Variants in KSR1 observed in about 807,000 individuals in gnomAD.
The protein encoded by KSR1 is kinase suppressor of ras 1.
Under a neutral mutation model 92.9 loss-of-function variants are expected in KSR1, and 35 were observed. The ratio of observed to expected loss-of-function variants is 0.38; its 90% CI spans 0.29 to 0.50. KSR1 has a LOEUF of 0.50. KSR1 is among the 20% of genes least tolerant of loss of function. The pLI, the probability that KSR1 is intolerant of heterozygous loss-of-function variation, is 0.94. For missense variants in KSR1, 972 were observed against 1,158.5 expected, an observed-to-expected ratio of 0.84 and a Z score of 2.34; for synonymous variants, 467 against 472.6, an observed-to-expected ratio of 0.99 and a Z score of 0.15.
rs886846137 is a variant in KSR1, at chr17:27,624,597, C to T, written c.*1205C>T. The T allele has an allele frequency of 2.6e-5, 4 of 152,198 alleles. No homozygotes were observed. The highest frequency in any genetic ancestry group is 4.4e-5 in the Non-Finnish European group (3 of 68,050). The allele number at this position is 152,198 out of a possible 1,614,324, so 9.4% of individuals were successfully genotyped here. A position where few individuals can be genotyped will look rare whatever the true frequency, so the allele number is the denominator to read the frequency against. On this transcript the variant is annotated 3_prime_UTR_variant, in exon 21 of 21. Transcript: ENST00000644974. The stretch of plus-strand genomic sequence containing the variant: ...AAAAGTCTTTGAAGTGAGAGCACCA[C>T]GCTTGTCTTCGTTAGAAACTCTTAA...
chr17:27,480,633 A>G (rs1355690963), intron 1 of KSR1, among the ~76,000 whole-genome samples: 3 of 152,204 alleles, frequency 2.0e-5, no homozygotes, highest in Non-Finnish European at 4.4e-5. Context: ...TCCTGACCTC[A>G]GGCGATCCAC....
chr17:27,478,345 G>A (rs934862699), intron 1 of KSR1, among the ~76,000 whole-genome samples: 8 of 152,176 alleles, frequency 5.3e-5, no homozygotes, highest in African/African-American at 1.9e-4. Flanking sequence ...CCTTGGTCAA[G>A]TTATTTTGCT....
rs1890660643 is a variant in KSR1 at position 27,623,152 on chromosome 17, A to C, written c.2709-162A>C. Reference sequence around the variant, plus strand: ...GGAGTGTAGCTGAGGCCTTGGACGCAGTATGACCAGGGGCAGCTCTGCCAG... The same window carrying C: ...GGAGTGTAGCTGAGGCCTTGGACGCCGTATGACCAGGGGCAGCTCTGCCAG... On this transcript the variant is annotated intron_variant, in intron 20 of 20. Transcript: ENST00000644974. 3 of 656,960 alleles carry C rather than the reference A, an allele frequency of 4.6e-6. No individual in the cohort carries two copies. The South Asian group carries it at 5.2e-5, about 11-fold the overall frequency. 40.7% of individuals were successfully genotyped at this position (656,960 alleles called of 1,614,324 possible).
At chr17:27,560,222 T>C (rs1001639177) in intron 2 of KSR1, 1 of 347,392 alleles carries the variant, frequency 2.9e-6, no homozygotes, top group Non-Finnish European at 5.6e-6. Context: ...AGCTTCATAT[T>C]CTGGCAGCAG....
At chr17:27,598,782 C>G (rs61318264) in intron 10 of KSR1, among the ~76,000 whole-genome samples, 2 of 152,200 alleles carry the variant, frequency 1.3e-5, no homozygotes, top group African/African-American at 4.8e-5. Context: ...GGGCCTTCAT[C>G]GTCCCCTGCA....
intron 1 of KSR1, among the ~76,000 whole-genome samples, chr17:27,460,071 G>A (rs1230020134): frequency 1.3e-5 from 2 of 152,176 alleles, no homozygotes; most frequent in African/African-American, 4.8e-5. Flanking sequence ...GTAAACAGAA[G>A]TTGTGAGGCT....
chr17:27,609,723 C>T, intron 16 of KSR1: 1 of 335,412 alleles, frequency 3.0e-6, no homozygotes, highest in Non-Finnish European at 5.5e-6. Flanking sequence ...GGCTGCAAGG[C>T]CAGCCCCAGC....
intron 1 of KSR1, among the ~76,000 whole-genome samples, chr17:27,515,153 C>G (rs866050054): frequency 6.6e-6 from 1 of 152,136 alleles, no homozygotes; most frequent in Admixed American, 6.5e-5. Flanking sequence ...TCATAGAAAG[C>G]GAATTTATAT....
In KSR1 at chr17:27,592,588, C is replaced by T. The variant is rs776016327; in HGVS notation, c.1261C>T (p.Pro421Ser). 6 of 1,613,954 alleles carry T rather than the reference C, an allele frequency of 3.7e-6. No individual in the cohort carries two copies. The highest frequency in any genetic ancestry group is 3.3e-5 in the Admixed American group (2 of 60,012). The change falls in exon 9 of 21, where the codon CCC becomes TCC. Residue 421 changes from proline (P) to serine (S), a missense_variant. Pro to Ser is a moderately conservative substitution (Grantham distance 74, BLOSUM62 -1). Around this residue, in one of 5 missense-constraint regions of KSR1, gnomAD observed 611 missense variants for 668.0 expected, o/e 0.91. Coordinates refer to ENST00000644974, the MANE Select transcript of KSR1 (RefSeq NM_001394583.1). ...CAACCCGGTGGACAGAGCAGCCGAACCCCATTTTGGAACCCTCCCCAAAGC... is the reference window on the plus strand; with the variant it reads ...CAACCCGGTGGACAGAGCAGCCGAATCCCATTTTGGAACCCTCCCCAAAGC... ...INNPVDRAAE[P>S]HFGTLPKALT... is the part of the protein sequence containing the mutation.
intron 1 of KSR1, among the ~76,000 whole-genome samples, chr17:27,487,800 T>A (rs899162401): frequency 6.6e-6 from 1 of 152,060 alleles, no homozygotes; most frequent in Admixed American, 6.6e-5. Context: ...AGGTGTGTCA[T>A]GTGTCTAGAC....
chr17:27,537,237 T>C (rs982918007), intron 1 of KSR1, among the ~76,000 whole-genome samples: 1 of 152,220 alleles, frequency 6.6e-6, no homozygotes, highest in Non-Finnish European at 1.5e-5. Context: ...AAGGATTCCA[T>C]ATCTCCAGCT....
chr17:27,611,420 A>G, intron 17 of KSR1, 74 bp from the exon 18 acceptor site: 2 of 1,593,870 alleles, frequency 1.3e-6, no homozygotes, highest in Non-Finnish European at 1.7e-6. Context: ...TGGCTGGGCT[A>G]TGGCTCAAGG....
At chr17:27,519,872 C>T (rs182355099) in intron 1 of KSR1, among the ~76,000 whole-genome samples, 2 of 152,306 alleles carry the variant, frequency 1.3e-5, no homozygotes, top group East Asian at 3.9e-4. Context: ...TTGGGAGGAG[C>T]TCTTCATCCA....
intron 10 of KSR1, among the ~76,000 whole-genome samples, chr17:27,598,996 C>T (rs912742433): frequency 7.2e-5 from 11 of 152,238 alleles, no homozygotes; most frequent in African/African-American, 1.9e-4. Flanking sequence ...ATTATAGTCA[C>T]GTGCTGCTTC....
chr17:27,593,852 G>A (rs1244394118), intron 9 of KSR1, among the ~76,000 whole-genome samples: 3 of 152,312 alleles, frequency 2.0e-5, no homozygotes, highest in African/African-American at 4.8e-5. Flanking sequence ...CAGTAGGCTC[G>A]ATGTCTTGGG....
chr17:27,522,358 C>T (rs2070074422), intron 1 of KSR1, among the ~76,000 whole-genome samples: 1 of 152,240 alleles, frequency 6.6e-6, no homozygotes, highest in African/African-American at 2.4e-5. Flanking sequence ...TTGGCCCCCG[C>T]TCCCCGTGGC....
chr17:27,534,011 A>C (rs1410818188), intron 1 of KSR1, among the ~76,000 whole-genome samples: 2 of 152,146 alleles, frequency 1.3e-5, no homozygotes, highest in Non-Finnish European at 2.9e-5. Context: ...CCAGGTCTGG[A>C]GAGTAGCTCC....
intron 1 of KSR1, among the ~76,000 whole-genome samples, chr17:27,466,491 T>C (rs889100512): frequency 6.6e-6 from 1 of 152,198 alleles, no homozygotes; most frequent in Non-Finnish European, 1.5e-5. Flanking sequence ...TCCTGCCTCC[T>C]CCTGGCCCTG....
chr17:27,555,196 T>C (rs1488236343), intron 2 of KSR1, among the ~76,000 whole-genome samples: 2 of 152,238 alleles, frequency 1.3e-5, no homozygotes, highest in African/African-American at 4.8e-5. Flanking sequence ...CTTTGTTTTT[T>C]GGAAGTGAGC....
Sources: gnomAD v4.1 joint callset for allele counts (sites outside exome capture counted in the v4.1 genomes callset) on GRCh38, gnomAD v4.1.1 for gene constraint, gnomAD v4.1.1 regional missense constraint, MANE v1.5 for transcripts, NCBI Gene and HGNC (gene_info 2026-07-23, HGNC 2026-07-21) for gene names.